The following CNTN4 variants were observed in gnomAD, a reference collection of about 807,000 sequenced individuals.
CNTN4 encodes the protein contactin 4.
In CNTN4, 77 loss-of-function variants were observed where a neutral mutation model predicts 122.5. The ratio of observed to expected loss-of-function variants is 0.63; its 90% CI spans 0.52 to 0.76. The LOEUF is 0.76. Ranked by LOEUF, CNTN4 falls within the 30% of genes least tolerant of loss-of-function variation. The probability of loss-of-function intolerance (pLI) is 0.00; values close to 1 mark genes in which losing one functional copy is unlikely to be tolerated. For synonymous variants in CNTN4, 512 were observed against 447.0 expected, an observed-to-expected ratio of 1.15 and a Z score of -1.83; for missense variants, 1,256 against 1,259.1, an observed-to-expected ratio of 1.00 and a Z score of 0.04.
chr3:2,710,918 A>G (rs908316950), intron 4 of CNTN4, among the ~76,000 whole-genome samples: 2 of 152,200 alleles, frequency 1.3e-5, no homozygotes, highest in Non-Finnish European at 2.9e-5. Context: ...ATGAAAATGT[A>G]CTTGACCCCA....
chr3:2,632,101 T>A (rs2082470116), intron 4 of CNTN4, among the ~76,000 whole-genome samples: 1 of 148,628 alleles, frequency 6.7e-6, no homozygotes, highest in African/African-American at 2.5e-5. Flanking sequence ...TGTATGTATG[T>A]ATGTATATAT....
Position 2,819,579 on chromosome 3 carries a change from G to A in CNTN4, c.452G>A (p.Gly151Glu). The change falls in exon 7 of 25, where the codon GGA becomes GAA. Residue 151 changes from glycine to glutamate, a missense_variant and splice_region_variant. By Grantham distance (98) the Gly-to-Glu change is moderately conservative. Coordinates refer to ENST00000418658, the MANE Select transcript of CNTN4 (RefSeq NM_175607.3). ...VLLCGPPPHS[G>E]ELSYAWIFNE... Reference sequence around the variant, plus strand: ...CTGTGTGGCCCGCCACCCCATTCTGGAGGTACATATAAATGAACTGACATA... The same window carrying A: ...CTGTGTGGCCCGCCACCCCATTCTGAAGGTACATATAAATGAACTGACATA... 1 of 1,607,910 alleles carries A rather than the reference G, an allele frequency of 6.2e-7. No individual in the cohort carries two copies. Among genetic ancestry groups the A allele is most frequent in the Non-Finnish European group, 8.5e-7 (1 of 1,174,354 alleles).
chr3:2,292,661 A>G (rs1050624428), intron 2 of CNTN4, among the ~76,000 whole-genome samples: 2 of 152,234 alleles, frequency 1.3e-5, no homozygotes, highest in African/African-American at 4.8e-5. Context: ...TCTTATAAAT[A>G]GAAGCATATA....
chr3:2,626,641 G>T (rs988422156), intron 4 of CNTN4, among the ~76,000 whole-genome samples: 1 of 152,150 alleles, frequency 6.6e-6, no homozygotes, highest in African/African-American at 2.4e-5. Flanking sequence ...CTTGGAAGTG[G>T]TTATTTTTAC....
chr3:2,309,078 G>A (rs1166144524), intron 2 of CNTN4, among the ~76,000 whole-genome samples: 2 of 151,974 alleles, frequency 1.3e-5, no homozygotes, highest in Admixed American at 1.3e-4. Flanking sequence ...AACTATTATT[G>A]TTGAATTTTC....
At position 2,736,254 on chromosome 3, in the gene CNTN4, C is replaced by A; in HGVS notation, c.95C>A (p.Pro32Gln). The A allele has an allele frequency of 6.2e-7, 1 of 1,613,480 alleles. No individual in the cohort carries two copies. The highest frequency in any genetic ancestry group is 8.5e-7 in the Non-Finnish European group (1 of 1,179,632). Residue 32 changes from proline to glutamine, a missense_variant, in exon 5 of 25, where the codon CCA becomes CAA. Transcript: ENST00000418658. ...TLHGPIFIQE[P>Q]SPVMFPLDSE... ...CATGGCCCGATTTTTATTCAAGAAC[C>A]AAGTCCTGTAATGTTCCCTTTGGAT...
At chr3:2,117,049 A>G (rs1044914694) in intron 2 of CNTN4, among the ~76,000 whole-genome samples, 7 of 152,288 alleles carry the variant, frequency 4.6e-5, no homozygotes, top group South Asian at 2.1e-4. Flanking sequence ...TTCAGTACTG[A>G]CACTCTCTAC....
At chr3:2,603,525 TAAA>T (rs1017601845) in intron 4 of CNTN4, among the ~76,000 whole-genome samples, 2 of 152,134 alleles carry the variant, frequency 1.3e-5, no homozygotes, top group African/African-American at 4.8e-5. Flanking sequence ...ATTAGGTAAA[TAAA>T]AAGAATGAGC....
chr3:2,820,627 C>T (rs1281476082), intron 7 of CNTN4, among the ~76,000 whole-genome samples: 1 of 152,080 alleles, frequency 6.6e-6, no homozygotes, highest in African/African-American at 2.4e-5. Flanking sequence ...GACAACCAAT[C>T]AAGGGGCCTC....
chr3:2,799,495 C>T (rs997298959), intron 6 of CNTN4, among the ~76,000 whole-genome samples: 3 of 151,994 alleles, frequency 2.0e-5, no homozygotes, highest in Non-Finnish European at 4.4e-5. Context: ...TGGAGTCTCA[C>T]TCTGTCACCC....
intron 3 of CNTN4, among the ~76,000 whole-genome samples, chr3:2,550,994 C>G (rs1313325570): frequency 6.6e-6 from 1 of 151,934 alleles, no homozygotes; most frequent in Non-Finnish European, 1.5e-5. Context: ...GGAGAAATAC[C>G]TAATGTAGAT....
chr3:2,827,358 A>T (rs1314655059), intron 7 of CNTN4, among the ~76,000 whole-genome samples: 1 of 152,246 alleles, frequency 6.6e-6, no homozygotes, highest in Non-Finnish European at 1.5e-5. Context: ...ATGAAAAGAC[A>T]TAACAAATGT....
intron 7 of CNTN4, among the ~76,000 whole-genome samples, chr3:2,854,754 T>C (rs2093600242): frequency 6.6e-6 from 1 of 152,226 alleles, no homozygotes; most frequent in South Asian, 2.1e-4. Flanking sequence ...ACTTGAAAGC[T>C]TGCTCAGTCA....
intron 6 of CNTN4, among the ~76,000 whole-genome samples, chr3:2,806,135 T>C (rs1357647308): frequency 2.0e-5 from 3 of 151,930 alleles, no homozygotes; most frequent in African/African-American, 7.3e-5. Flanking sequence ...TCTCCTGACC[T>C]CGGGATCCGC....
intron 2 of CNTN4, among the ~76,000 whole-genome samples, chr3:2,247,989 C>T (rs946475499): frequency 3.3e-5 from 5 of 151,942 alleles, no homozygotes; most frequent in Non-Finnish European, 7.4e-5. Flanking sequence ...ACCCTCTCTG[C>T]AGTCTCTCAT....
intron 4 of CNTN4, among the ~76,000 whole-genome samples, chr3:2,572,424 A>G (rs76344168): frequency 6.6e-6 from 1 of 152,104 alleles, no homozygotes; most frequent in Non-Finnish European, 1.5e-5. Flanking sequence ...AACTTCACAC[A>G]TACTCTCTAT....
intron 2 of CNTN4, among the ~76,000 whole-genome samples, chr3:2,329,994 C>A (rs1205395066): frequency 6.6e-6 from 1 of 152,056 alleles, no homozygotes; most frequent in African/African-American, 2.4e-5. Flanking sequence ...CAGTCAGAAC[C>A]CACATGTTAA....
At chr3:2,481,699 G>C (rs557659459) in intron 3 of CNTN4, among the ~76,000 whole-genome samples, 1 of 151,958 alleles carries the variant, frequency 6.6e-6, no homozygotes, top group African/African-American at 2.4e-5. Flanking sequence ...TATGTGTTGT[G>C]GGGGGGACCT....
Position 2,925,237 on chromosome 3 carries a change from C to T in CNTN4, c.1208-392C>T, listed in dbSNP as rs574991699. On this transcript the variant is annotated intron_variant, in intron 12 of 24. Transcript: ENST00000418658. ...AAAATTAGCTTCCTCCCTTTGATGA[C>T]CAAGGTAGCAATAAGTGTATTAGAG... 2.6e-5 allele frequency among the ~76,000 whole-genome samples: 4 copies of T among 152,156 alleles called. No individual in the cohort carries two copies. The South Asian group carries it at 8.3e-4, about 32-fold the overall frequency.
Sources: allele counts gnomAD v4.1 joint callset (sites outside exome capture counted in the v4.1 genomes callset), GRCh38; gene constraint gnomAD v4.1.1; transcripts MANE v1.5; gene names NCBI Gene and HGNC (gene_info 2026-07-23, HGNC 2026-07-21).